Variants in ADGRV1 observed in about 807,000 individuals in gnomAD.
The protein encoded by ADGRV1 is G-protein coupled receptor 98.
Under a neutral mutation model 596.2 loss-of-function variants are expected in ADGRV1, and 359 were observed. The observed-to-expected ratio is 0.60, with a 90% CI of 0.55 to 0.66. The LOEUF (loss-of-function observed/expected upper bound fraction) is 0.66. Ranked by LOEUF, ADGRV1 falls within the 30% of genes least tolerant of loss-of-function variation. ADGRV1 has a pLI of 0.00. For synonymous variants in ADGRV1, 2,681 were observed against 2,679.2 expected, an observed-to-expected ratio of 1.00 and a Z score of -0.02; for missense variants, 7,274 against 7,575.6, an observed-to-expected ratio of 0.96 and a Z score of 1.48.
chr5:91,017,918 C>T (rs1209489937), intron 85 of ADGRV1, among the ~76,000 whole-genome samples: 1 of 151,912 alleles, frequency 6.6e-6, no homozygotes, highest in African/African-American at 2.4e-5. Flanking sequence ...AATCAGTCAA[C>T]ATAACTAAAT....
intron 83 of ADGRV1, among the ~76,000 whole-genome samples, chr5:90,908,344 A>G (rs1393102905): frequency 2.0e-5 from 3 of 152,210 alleles, no homozygotes; most frequent in African/African-American, 7.2e-5. Flanking sequence ...GGTATCCATC[A>G]CCTCAAGCAT....
chr5:90,693,550 T>C (rs556260975), intron 32 of ADGRV1, among the ~76,000 whole-genome samples: 1 of 152,280 alleles, frequency 6.6e-6, no homozygotes, highest in East Asian at 1.9e-4. Flanking sequence ...TTCCTCAAAA[T>C]GTAGTCATGT....
chr5:90,998,194 C>T (rs1447353839), intron 85 of ADGRV1, among the ~76,000 whole-genome samples: 1 of 152,138 alleles, frequency 6.6e-6, no homozygotes, highest in Non-Finnish European at 1.5e-5. Context: ...GAGTTAGGAG[C>T]TTGTTTTATT....
At chr5:90,794,216 TG>T (rs1414241962) in intron 70 of ADGRV1, among the ~76,000 whole-genome samples, 2 of 152,136 alleles carry the variant, frequency 1.3e-5, no homozygotes, top group South Asian at 4.1e-4. Context: ...AACCTGCAAG[TG>T]GGTCTTTTAA....
chr5:90,604,599 C>A (rs146471217), intron 1 of ADGRV1, among the ~76,000 whole-genome samples: 173 of 151,990 alleles, frequency 1.1e-3, no homozygotes, highest in African/African-American at 3.8e-3. Context: ...TTACAGGGGT[C>A]AAAAATCTAT....
chr5:90,730,172 A>T (rs1248619982), intron 50 of ADGRV1, among the ~76,000 whole-genome samples: 1 of 152,154 alleles, frequency 6.6e-6, no homozygotes, highest in Non-Finnish European at 1.5e-5. Flanking sequence ...TGGGTATTTT[A>T]ATAGGAATGT....
chr5:90,996,657 C>T (rs1265093313), intron 85 of ADGRV1, among the ~76,000 whole-genome samples: 1 of 152,184 alleles, frequency 6.6e-6, no homozygotes, highest in Non-Finnish European at 1.5e-5. Flanking sequence ...GTTCTGCAGA[C>T]CCCAGAATGG....
At chr5:90,630,259 A>G (rs1765328974) in intron 9 of ADGRV1, 1 of 152,146 alleles carries the variant, frequency 6.6e-6, no homozygotes, top group Admixed American at 6.5e-5. Flanking sequence ...TGAGCCTCCT[A>G]AAGTGCTGTG....
intron 43 of ADGRV1, chr5:90,717,451 T>TC (rs1172705381): frequency 6.7e-6 from 1 of 149,468 alleles, no homozygotes; most frequent in Non-Finnish European, 1.5e-5. Context: ...TTTTTTTTTT[T>TC]TGAGGCAGAG....
intron 1 of ADGRV1, among the ~76,000 whole-genome samples, chr5:90,596,190 T>G (rs1580392444): frequency 8.7e-5 from 9 of 103,736 alleles, no homozygotes; most frequent in South Asian, 3.7e-4. Context: ...TCCCAGACGA[T>G]GGGCGGCCGG....
At chr5:91,008,627 C>T (rs189642233) in intron 85 of ADGRV1, among the ~76,000 whole-genome samples, 274 of 152,192 alleles carry the variant, frequency 1.8e-3, no homozygotes, top group African/African-American at 6.2e-3. Flanking sequence ...CCTCAGCCTC[C>T]CAAGTAGCTG....
intron 1 of ADGRV1, among the ~76,000 whole-genome samples, chr5:90,613,407 C>A (rs1429777324): frequency 6.6e-6 from 1 of 152,098 alleles, no homozygotes; most frequent in East Asian, 1.9e-4. Flanking sequence ...GAACTGCTCC[C>A]CCTTTCCTGT....
rs1772904911 is a variant in ADGRV1, at chr5:90,674,204, A to G, written c.5080A>G (p.Ile1694Val). ...SIDPEKETTDITIKASDHPYG... is the reference protein window; with the variant it reads ...SIDPEKETTDVTIKASDHPYG... ...AGATCCTGAAAAGGAAACGACTGAT[A>G]TCACCATCAAAGCTAGTGATCATCC... Residue 1694 changes from isoleucine (I) to valine (V), a missense_variant, in exon 23 of 90, where the codon ATC becomes GTC. Coordinates refer to ENST00000405460, the MANE Select transcript of ADGRV1 (RefSeq NM_032119.4). The G allele has an allele frequency of 1.2e-6, 2 of 1,610,668 alleles. No individual in the cohort carries two copies. The highest frequency in any genetic ancestry group is 2.2e-5 in the South Asian group (2 of 89,960).
rs534211983 is a variant in ADGRV1, at chr5:90,693,957, A to G, written c.7201A>G (p.Met2401Val). ...TSDIDVVALAMEEGQDLLSYY... is the reference protein window; with the variant it reads ...TSDIDVVALAVEEGQDLLSYY... Reference sequence around the variant, plus strand: ...CGACATTGATGTAGTGGCTCTGGCAATGGAGGAAGGTCAAGATTTACTGTC... The same window carrying G: ...CGACATTGATGTAGTGGCTCTGGCAGTGGAGGAAGGTCAAGATTTACTGTC... Residue 2401 changes from methionine (M) to valine (V), a missense_variant, in exon 33 of 90, where the codon ATG becomes GTG. By Grantham distance (21) the Met-to-Val change is conservative. Transcript: ENST00000405460. 1.9e-6 allele frequency: 3 copies of G among 1,607,192 alleles called. No homozygotes were observed. In the South Asian group the frequency reaches 3.3e-5, roughly 18 times the overall value.
intron 83 of ADGRV1, among the ~76,000 whole-genome samples, chr5:90,935,253 G>T (rs1045161252): frequency 9.9e-5 from 15 of 152,170 alleles, no homozygotes; most frequent in African/African-American, 3.4e-4. Flanking sequence ...AGATTGTTCA[G>T]CTCTAATGTT....
intron 83 of ADGRV1, among the ~76,000 whole-genome samples, chr5:90,960,278 C>T (rs1022345091): frequency 6.6e-6 from 1 of 152,008 alleles, no homozygotes; most frequent in African/African-American, 2.4e-5. Context: ...GTGATGATGG[C>T]TTCACAGGTG....
intron 51 of ADGRV1, 118 bp downstream of exon 51, chr5:90,745,383 A>C (rs1461838906): frequency 1.3e-6 from 1 of 752,884 alleles, no homozygotes; most frequent in Admixed American, 3.0e-5. Flanking sequence ...GCTATTTATC[A>C]GCCTGAAATT....
Position 90,629,461 on chromosome 5 carries a change from G to A in ADGRV1, c.1761G>A (p.Glu587=). 3.7e-6 allele frequency: 6 copies of A among 1,613,126 alleles called. No individual in the cohort carries two copies. Among genetic ancestry groups the A allele is most frequent in the Non-Finnish European group, 5.1e-6 (6 of 1,179,672 alleles). Residue 587 remains glutamate (E), a synonymous_variant, in exon 9 of 90, where the codon GAG becomes GAA. Transcript: ENST00000405460. ...GGAGAAATGACCTCATTTTTCCAGA[G>A]CAAAAAACTCAAGTCACTACAAAAT... is the stretch of plus-strand genomic sequence containing the variant. ...ISRRNDLIFP[E]QKTQVTTKLP...
Position 91,014,136 on chromosome 5 carries a change from C to CCCCACA in ADGRV1, c.18152+28615_18152+28616insCCACAC. Among the ~76,000 whole-genome samples the CCCCACA allele has an allele frequency of 8.4e-5, 3 of 35,696 alleles. No homozygotes were observed. In the East Asian group the frequency reaches 2.0e-3, roughly 24 times the overall value. 23.4% of individuals were successfully genotyped at this position (35,696 alleles called of 152,430 possible). On this transcript the variant is annotated intron_variant, in intron 85 of 89. Coordinates refer to ENST00000405460, the MANE Select transcript of ADGRV1 (RefSeq NM_032119.4). ...TCATAGGCAATCCCATTCACAATTG[C>CCCCACA]CACACACACACACACACACACACAC... is the stretch of plus-strand genomic sequence containing the variant.
Sources: gnomAD v4.1 joint callset for allele counts (sites outside exome capture counted in the v4.1 genomes callset) on GRCh38, gnomAD v4.1.1 for gene constraint, MANE v1.5 for transcripts, NCBI Gene and HGNC (gene_info 2026-07-23, HGNC 2026-07-21) for gene names.